The following CLASP1 variants were observed in gnomAD, a reference collection of about 807,000 sequenced individuals.
The protein encoded by CLASP1 is CLIP-associating protein 1.
In CLASP1, 38 loss-of-function variants were observed where a neutral mutation model predicts 192.3. That is an observed-to-expected ratio of 0.20 (90% CI 0.15 to 0.26). CLASP1 has a LOEUF of 0.26. CLASP1 is among the 10% of genes least tolerant of loss of function. CLASP1 has a pLI of 1.00. For missense variants in CLASP1, 1,433 were observed against 1,932.5 expected, an observed-to-expected ratio of 0.74 and a Z score of 4.85; for synonymous variants, 691 against 712.8, an observed-to-expected ratio of 0.97 and a Z score of 0.49.
At chr2:121,352,329 G>A (rs1045551658) in intron 37 of CLASP1, among the ~76,000 whole-genome samples, 3 of 152,242 alleles carry the variant, frequency 2.0e-5, no homozygotes, top group Non-Finnish European at 2.9e-5. Flanking sequence ...CAACATGGAC[G>A]GCATTGACTC....
At chr2:121,397,097 C>G in intron 30 of CLASP1, 43 bp downstream of exon 31, 1 of 1,603,780 alleles carries the variant, frequency 6.2e-7, no homozygotes. Context: ...TAACACAAGC[C>G]CAGGAACAAT....
At chr2:121,344,161 T>C (rs2063144388) in intron 39 of CLASP1, among the ~76,000 whole-genome samples, 1 of 151,956 alleles carries the variant, frequency 6.6e-6, no homozygotes, top group Admixed American at 6.6e-5. Context: ...TTCAAGGTCA[T>C]AAAACTCGTA....
At chr2:121,363,188 T>C in exon 37 of CLASP1, 8 of 1,613,996 alleles carry the variant, frequency 5.0e-6, no homozygotes, top group African/African-American at 1.3e-5. Context: ...ATGGGAGTCT[T>C]TGTGGGCTTC....
chr2:121,595,049 C>T (rs1398313049), intron 2 of CLASP1, among the ~76,000 whole-genome samples: 1 of 152,158 alleles, frequency 6.6e-6, no homozygotes. Context: ...TAAAGTCTAA[C>T]TCAAAATTCC....
chr2:121,633,582 G>A (rs1452398832), intron 1 of CLASP1, among the ~76,000 whole-genome samples: 1 of 152,142 alleles, frequency 6.6e-6, no homozygotes, highest in African/African-American at 2.4e-5. Flanking sequence ...CAGCAAGAGT[G>A]CTTTCTTGCC....
At chr2:121,483,934 T>C (rs181311724) in intron 8 of CLASP1, among the ~76,000 whole-genome samples, 31 of 152,316 alleles carry the variant, frequency 2.0e-4, no homozygotes, top group Non-Finnish European at 4.0e-4. Flanking sequence ...TAAATGCAAA[T>C]GGCACTCAGC....
At chr2:121,609,268 T>C (rs1469629140) in intron 1 of CLASP1, among the ~76,000 whole-genome samples, 4 of 152,164 alleles carry the variant, frequency 2.6e-5, no homozygotes, top group African/African-American at 9.7e-5. Context: ...AACCTCCCCT[T>C]CAACCATAAT....
chr2:121,402,656 T>A (rs1410211639), intron 26 of CLASP1: 1 of 519,034 alleles, frequency 1.9e-6, no homozygotes, highest in Non-Finnish European at 3.8e-6. Context: ...TGCTTCTGAA[T>A]CAGCAATCTA....
At chr2:121,584,189 T>C (rs1292112684) in intron 2 of CLASP1, among the ~76,000 whole-genome samples, 2 of 152,178 alleles carry the variant, frequency 1.3e-5, no homozygotes, top group Non-Finnish European at 2.9e-5. Context: ...GCTCAACTGA[T>C]CTTCCCACCT....
intron 2 of CLASP1, among the ~76,000 whole-genome samples, chr2:121,568,294 G>A (rs530089115): frequency 2.0e-5 from 3 of 152,002 alleles, no homozygotes; most frequent in East Asian, 1.9e-4. Flanking sequence ...CACCCCTCCC[G>A]GAACCCTGGG....
chr2:121,528,591 C>A, intron 4 of CLASP1, 86 bp downstream of exon 4: 4 of 996,152 alleles, frequency 4.0e-6, no homozygotes, highest in Non-Finnish European at 6.4e-6. Flanking sequence ...GGAGTCACAC[C>A]ATTTGTGCAA....
chr2:121,387,874 T>C, exon 31 of CLASP1: 1 of 1,612,784 alleles, frequency 6.2e-7, no homozygotes, highest in Admixed American at 1.7e-5. Context: ...GAGTATTCAA[T>C]TCAAACAGAG....
At chr2:121,418,186 G>C (rs761300990) in intron 23 of CLASP1, among the ~76,000 whole-genome samples, 1 of 152,152 alleles carries the variant, frequency 6.6e-6, no homozygotes, top group African/African-American at 2.4e-5. Flanking sequence ...AAACATTATC[G>C]CTATTGTACT....
At chr2:121,588,825 G>A (rs2062029768) in intron 2 of CLASP1, among the ~76,000 whole-genome samples, 2 of 152,146 alleles carry the variant, frequency 1.3e-5, no homozygotes, top group African/African-American at 4.8e-5. Context: ...GCCCCCAGTC[G>A]AGCCACTCTT....
intron 2 of CLASP1, chr2:121,530,868 AC>A: frequency 1.5e-6 from 1 of 678,706 alleles, no homozygotes. Flanking sequence ...CAGCCCAGGG[AC>A]TTTCTATTAT....
intron 2 of CLASP1, among the ~76,000 whole-genome samples, chr2:121,546,097 C>T (rs936694730): frequency 6.6e-6 from 1 of 152,168 alleles, no homozygotes; most frequent in Non-Finnish European, 1.5e-5. Context: ...CCTTTCACAT[C>T]CCACCCCAAC....
intron 2 of CLASP1, among the ~76,000 whole-genome samples, chr2:121,592,080 A>G (rs72972716): frequency 0.039 from 5,893 of 152,226 alleles, 161 homozygotes; most frequent in East Asian, 0.14. Flanking sequence ...TTTTTACTCC[A>G]ATGCTGTCTG....
intron 37 of CLASP1, among the ~76,000 whole-genome samples, chr2:121,354,821 G>A (rs1413667653): frequency 1.3e-5 from 2 of 152,190 alleles, no homozygotes; most frequent in African/African-American, 2.4e-5. Context: ...CTGGAGACAG[G>A]ATTCAAGAGT....
At chr2:121,493,639 CAACA>C (rs2093412588) in intron 8 of CLASP1, among the ~76,000 whole-genome samples, 1 of 151,782 alleles carries the variant, frequency 6.6e-6, no homozygotes, top group Non-Finnish European at 1.5e-5. Flanking sequence ...AGCAAACAAT[CAACA>C]AAGTGTAAGA....
Sources: allele counts gnomAD v4.1 joint callset (sites outside exome capture counted in the v4.1 genomes callset), GRCh38; gene constraint gnomAD v4.1.1; transcripts MANE v1.5; gene names NCBI Gene and HGNC (gene_info 2026-07-23, HGNC 2026-07-21).